The following ADGB variants were observed in gnomAD, a reference collection of about 807,000 sequenced individuals.
ADGB encodes androglobin, also known as calpain-7-like protein.
A neutral mutation model predicts 210.5 loss-of-function variants in ADGB; 172 were observed. The ratio of observed to expected loss-of-function variants is 0.82; its 90% CI spans 0.72 to 0.93. The LOEUF is 0.93. Among genes scored for constraint, ADGB ranks in the 40% least tolerant of loss-of-function variants. The pLI, the probability that ADGB is intolerant of heterozygous loss-of-function variation, is 0.00. For missense variants in ADGB, 2,025 were observed against 1,964.8 expected (o/e 1.03, Z -0.58); for synonymous variants, 658 against 662.7 (o/e 0.99, Z 0.11).
chr6:146,602,571 C>T (rs746885222), intron 1 of ADGB, among the ~76,000 whole-genome samples: 3 of 152,132 alleles, frequency 2.0e-5, no homozygotes, highest in Non-Finnish European at 4.4e-5. Context: ...GGTTAAACAA[C>T]AAACATTTGT....
chr6:146,687,009 C>T (rs1186923876), intron 10 of ADGB, among the ~76,000 whole-genome samples: 4 of 152,070 alleles, frequency 2.6e-5, no homozygotes, highest in African/African-American at 4.8e-5. Flanking sequence ...TTTTCCCTTT[C>T]TCTTTCTTCC....
chr6:146,681,718 T>A (rs1486404336), intron 9 of ADGB, among the ~76,000 whole-genome samples: 2 of 152,186 alleles, frequency 1.3e-5, no homozygotes, highest in Non-Finnish European at 2.9e-5. Flanking sequence ...TAAGAAATTA[T>A]GGACTTGGTA....
At chr6:146,632,135 G>A (rs1489151799) in intron 1 of ADGB, among the ~76,000 whole-genome samples, 1 of 151,996 alleles carries the variant, frequency 6.6e-6, no homozygotes, top group Non-Finnish European at 1.5e-5. Context: ...GAATTCTCGA[G>A]GTCACAAGTC....
chr6:146,776,412 T>TA (rs1777722423), intron 29 of ADGB, among the ~76,000 whole-genome samples: 1 of 152,134 alleles, frequency 6.6e-6, no homozygotes, highest in South Asian at 2.1e-4. Flanking sequence ...ATTAGGAATT[T>TA]AAAATGAGGC....
intron 3 of ADGB, among the ~76,000 whole-genome samples, chr6:146,646,488 T>C (rs1420609151): frequency 6.6e-6 from 1 of 152,112 alleles, no homozygotes; most frequent in Non-Finnish European, 1.5e-5. Flanking sequence ...CTGACCTGTC[T>C]TTAAGTTTTA....
chr6:146,788,190 G>A (rs1777905001), intron 32 of ADGB, among the ~76,000 whole-genome samples, 199 bp from the exon 33 acceptor site: 1 of 152,114 alleles, frequency 6.6e-6, no homozygotes, highest in African/African-American at 2.4e-5. Context: ...ATATATGGAG[G>A]CAGCTTTCAG....
chr6:146,771,917 C>A (rs141270395), intron 29 of ADGB, among the ~76,000 whole-genome samples: 45 of 152,222 alleles, frequency 3.0e-4, no homozygotes, highest in African/African-American at 1.1e-3. Context: ...AGAATGACAG[C>A]CAGTTCTGAT....
chr6:146,661,503 C>A lies in ADGB; in HGVS notation c.613-2698C>A, dbSNP rs1195760801. 2.0e-5 allele frequency among the ~76,000 whole-genome samples: 3 copies of A among 152,076 alleles called. No homozygotes were observed. The East Asian group carries it at 5.8e-4, about 29-fold the overall frequency. On this transcript the variant is annotated intron_variant, in intron 5 of 35. Coordinates refer to ENST00000397944, the MANE Select transcript of ADGB (RefSeq NM_024694.4). The stretch of plus-strand genomic sequence containing the variant: ...AAAGTGTTGGGATTACAGGTGTGAG[C>A]CACCACACCCAACCACTGATATAGT...
chr6:146,777,944 T>A (rs1777744930), intron 29 of ADGB, among the ~76,000 whole-genome samples: 1 of 152,194 alleles, frequency 6.6e-6, no homozygotes. Context: ...TCTGTATGAT[T>A]TCTACACTCA....
intron 9 of ADGB, among the ~76,000 whole-genome samples, chr6:146,678,635 A>T (rs1296802343): frequency 6.6e-6 from 1 of 152,232 alleles, no homozygotes; most frequent in East Asian, 1.9e-4. Flanking sequence ...TCAAAGTAGC[A>T]TATTTATGAC....
chr6:146,753,830 A>G (rs751504643), intron 27 of ADGB, among the ~76,000 whole-genome samples: 1 of 151,830 alleles, frequency 6.6e-6, no homozygotes, highest in Non-Finnish European at 1.5e-5. Flanking sequence ...CATAATCATA[A>G]CTTTGTATCT....
chr6:146,745,526 C>T (rs1157014586), intron 25 of ADGB, among the ~76,000 whole-genome samples: 4 of 152,166 alleles, frequency 2.6e-5, no homozygotes, highest in African/African-American at 9.7e-5. Flanking sequence ...TTTCTTACTT[C>T]AGTATTCCAG....
intron 35 of ADGB, among the ~76,000 whole-genome samples, chr6:146,814,007 ATCTC>A (rs66509057): frequency 1.0e-5 from 1 of 99,050 alleles, no homozygotes; most frequent in South Asian, 3.8e-4. Context: ...TCTCCTTAAA[ATCTC>A]TCTCTCCTGC....
chr6:146,721,823 A>G (rs1776821067), intron 17 of ADGB, among the ~76,000 whole-genome samples: 1 of 152,140 alleles, frequency 6.6e-6, no homozygotes, highest in Non-Finnish European at 1.5e-5. Flanking sequence ...GGGCAACAAG[A>G]GTGAAACTCT....
At chr6:146,637,066 G>A (rs577088888) in intron 2 of ADGB, among the ~76,000 whole-genome samples, 11 of 152,058 alleles carry the variant, frequency 7.2e-5, no homozygotes, top group Non-Finnish European at 1.6e-4. Flanking sequence ...TATTATAAGG[G>A]ACACTGATAA....
chr6:146,701,073 GACTATGTTAC>G lies in ADGB; in HGVS notation c.1707+4_1707+13del, dbSNP rs1450954176. 1 of 1,549,662 alleles carries G rather than the reference GACTATGTTAC, an allele frequency of 6.5e-7. No individual in the cohort carries two copies. Among genetic ancestry groups the G allele is most frequent in the African/African-American group, 1.4e-5 (1 of 72,918 alleles). ...AAATAACAAAAGCTACATCTCAGGT[GACTATGTTAC>G]TCTTACTGTTGGCCCAACTCTTAAT... On this transcript the variant is annotated splice_donor_5th_base_variant and intron_variant, in intron 13 of 35. Transcript: ENST00000397944.
rs1403503127 is a variant in ADGB, at chr6:146,801,903, T to G, written c.4710T>G (p.Ile1570Met). The change falls in exon 35 of 36, where the codon ATT (isoleucine) becomes ATG (methionine). Residue 1570 changes from isoleucine (I) to methionine (M), a missense_variant. Physicochemically the swap from Ile to Met is conservative, Grantham distance 10. Coordinates refer to ENST00000397944, the MANE Select transcript of ADGB (RefSeq NM_024694.4). ...QQQAMQKAEE[I>M]HQFRQHRTRV... ...AGGCAATGCAAAAGGCGGAAGAAAT[T>G]CATCAGTTTCGACAGCATAGGACCA... 6.4e-7 allele frequency: 1 copy of G among 1,551,196 alleles called. No individual in the cohort carries two copies. Among genetic ancestry groups the G allele is most frequent in the East Asian group, 2.4e-5 (1 of 40,870 alleles).
At chr6:146,733,403 C>T in intron 21 of ADGB, 148 bp downstream of exon 21, 1 of 744,162 alleles carries the variant, frequency 1.3e-6, no homozygotes, top group Non-Finnish European at 2.0e-6. Flanking sequence ...CAAGGGGCTC[C>T]AAGGACCTGC....
chr6:146,715,818 T>C (rs543514904), intron 14 of ADGB, among the ~76,000 whole-genome samples: 3 of 152,002 alleles, frequency 2.0e-5, no homozygotes, highest in African/African-American at 7.2e-5. Context: ...GCATGTAATC[T>C]CAGCACTTTG....
Sources: gnomAD v4.1 joint callset for allele counts (sites outside exome capture counted in the v4.1 genomes callset) on GRCh38, gnomAD v4.1.1 for gene constraint, MANE v1.5 for transcripts, NCBI Gene and HGNC (gene_info 2026-07-23, HGNC 2026-07-21) for gene names.